Variants in SLC35F1 observed in about 807,000 individuals in gnomAD.
The protein encoded by SLC35F1 is solute carrier family 35 member F1, also known as chromosome 6 open reading frame 169.
SLC35F1 carries 14 observed loss-of-function variants against 48.7 expected under a neutral mutation model. That is an observed-to-expected ratio of 0.29 (90% CI 0.19 to 0.45). SLC35F1 has a LOEUF of 0.45. SLC35F1 is among the 20% of genes least tolerant of loss of function. The pLI, the probability that SLC35F1 is intolerant of heterozygous loss-of-function variation, is 1.00. For missense variants in SLC35F1, 404 were observed against 500.0 expected, an observed-to-expected ratio of 0.81 and a Z score of 1.83; for synonymous variants, 190 against 202.2, an observed-to-expected ratio of 0.94 and a Z score of 0.51.
chr6:117,940,554 A>T lies in SLC35F1; in HGVS notation c.173+32655A>T, dbSNP rs1776217307. 5.3e-5 allele frequency among the ~76,000 whole-genome samples: 8 copies of T among 152,368 alleles called. No homozygotes were observed. The South Asian group carries it at 1.7e-3, about 32-fold the overall frequency. On this transcript the variant is annotated intron_variant, in intron 1 of 7. Coordinates refer to ENST00000360388, the MANE Select transcript of SLC35F1 (RefSeq NM_001029858.4). ...AGATATCTGTACCCCCATGTTCATT[A>T]CAAGATTATTCACAATAACCAAGAC... is the stretch of plus-strand genomic sequence containing the variant.
At chr6:117,931,063 C>T (rs1776094964) in intron 1 of SLC35F1, among the ~76,000 whole-genome samples, 1 of 152,048 alleles carries the variant, frequency 6.6e-6, no homozygotes, top group Non-Finnish European at 1.5e-5. Context: ...ATATTGTAAG[C>T]ACCTGGCCCG....
chr6:118,120,969 A>G (rs181957304), intron 1 of SLC35F1, among the ~76,000 whole-genome samples: 1 of 152,192 alleles, frequency 6.6e-6, no homozygotes, highest in African/African-American at 2.4e-5. Context: ...TTTTTAGTTG[A>G]AGTTTTTAGC....
chr6:118,186,222 C>T (rs1472275318), intron 2 of SLC35F1, among the ~76,000 whole-genome samples: 2 of 152,076 alleles, frequency 1.3e-5, no homozygotes, highest in Non-Finnish European at 2.9e-5. Flanking sequence ...ATCAGTCAGT[C>T]TCCCCATCTA....
chr6:117,956,951 AG>A (rs1776435678), intron 1 of SLC35F1, among the ~76,000 whole-genome samples: 1 of 152,216 alleles, frequency 6.6e-6, no homozygotes, highest in Admixed American at 6.5e-5. Context: ...AAGATGAATA[AG>A]GACATCTATT....
At chr6:118,217,730 C>A (rs893819028) in intron 2 of SLC35F1, among the ~76,000 whole-genome samples, 1 of 152,064 alleles carries the variant, frequency 6.6e-6, no homozygotes, top group Admixed American at 6.6e-5. Context: ...GGAATTATGC[C>A]CCCCTGCTTT....
chr6:117,972,446 C>T (rs562282029), intron 1 of SLC35F1, among the ~76,000 whole-genome samples: 1 of 152,326 alleles, frequency 6.6e-6, no homozygotes, highest in Non-Finnish European at 1.5e-5. Context: ...TGCCCCCACT[C>T]TGCAGTACCA....
intron 7 of SLC35F1, among the ~76,000 whole-genome samples, chr6:118,307,345 A>G (rs1776323456): frequency 6.6e-6 from 1 of 152,208 alleles, no homozygotes; most frequent in African/African-American, 2.4e-5. Flanking sequence ...GGTATTTGTC[A>G]GTAGATTCTG....
intron 2 of SLC35F1, among the ~76,000 whole-genome samples, chr6:118,223,840 G>C (rs999793275): frequency 3.3e-5 from 5 of 152,210 alleles, no homozygotes; most frequent in Admixed American, 2.0e-4. Flanking sequence ...GGCACCTTCT[G>C]TCATGTTGTC....
chr6:118,139,402 G>A (rs574151960), intron 1 of SLC35F1, among the ~76,000 whole-genome samples: 78 of 152,272 alleles, frequency 5.1e-4, no homozygotes, highest in African/African-American at 1.8e-3. Context: ...GTGAGCCACC[G>A]CGCCCAGCCT....
rs1562121646 is a variant in SLC35F1 at position 118,314,018 on chromosome 6, G to T, written c.1003-10G>T. The stretch of plus-strand genomic sequence containing the variant: ...GGCTGTCAAATGACTTTACTGTTGT[G>T]TTTTTTTAGTTTTCAGGACTTTATC... On this transcript the variant is annotated splice_polypyrimidine_tract_variant and intron_variant, in intron 7 of 7. Transcript: ENST00000360388. The T allele has an allele frequency of 1.2e-6, 2 of 1,613,806 alleles. No homozygotes were observed. The highest frequency in any genetic ancestry group is 3.3e-5 in the Admixed American group (2 of 60,028).
intron 1 of SLC35F1, among the ~76,000 whole-genome samples, chr6:118,014,959 G>A (rs968322237): frequency 6.6e-6 from 1 of 152,142 alleles, no homozygotes; most frequent in Admixed American, 6.5e-5. Context: ...TAATTTCCAC[G>A]TGTTGTGGGA....
At chr6:118,250,456 G>A (rs1379091211) in intron 3 of SLC35F1, among the ~76,000 whole-genome samples, 1 of 152,138 alleles carries the variant, frequency 6.6e-6, no homozygotes, top group Non-Finnish European at 1.5e-5. Context: ...AGATAAAACT[G>A]AGCAGAAAAG....
chr6:118,183,311 G>A (rs913505392), intron 2 of SLC35F1, among the ~76,000 whole-genome samples: 6 of 152,048 alleles, frequency 3.9e-5, no homozygotes, highest in African/African-American at 1.4e-4. Flanking sequence ...ATGATTAAGA[G>A]CCATTATTGA....
chr6:118,216,465 CAA>C (rs55750771), intron 2 of SLC35F1, among the ~76,000 whole-genome samples: 1 of 139,090 alleles, frequency 7.2e-6, no homozygotes, highest in Admixed American at 7.2e-5. Context: ...ACCCCCACTT[CAA>C]AAAAAAAAAA....
chr6:117,969,670 A>G (rs961295692), intron 1 of SLC35F1, among the ~76,000 whole-genome samples: 4 of 152,144 alleles, frequency 2.6e-5, no homozygotes, highest in African/African-American at 9.7e-5. Flanking sequence ...AGCTATGATC[A>G]TGCCTCTGCA....
intron 1 of SLC35F1, among the ~76,000 whole-genome samples, chr6:118,016,183 A>G (rs1173635946): frequency 6.6e-6 from 1 of 152,088 alleles, no homozygotes; most frequent in African/African-American, 2.4e-5. Flanking sequence ...TCATCTTGGA[A>G]TCGGTTTGCT....
chr6:118,273,977 C>A (rs143920445), intron 4 of SLC35F1, among the ~76,000 whole-genome samples: 3 of 152,260 alleles, frequency 2.0e-5, no homozygotes, highest in Non-Finnish European at 4.4e-5. Context: ...ACCACAGATT[C>A]TTTGATGTGA....
chr6:117,999,483 G>A (rs1031055728), intron 1 of SLC35F1: 6 of 1,497,296 alleles, frequency 4.0e-6, no homozygotes, highest in South Asian at 1.2e-5. Context: ...AAGGACTGGT[G>A]CGACCCCCCA....
At chr6:118,262,226 T>G (rs1775722071) in intron 3 of SLC35F1, among the ~76,000 whole-genome samples, 1 of 151,070 alleles carries the variant, frequency 6.6e-6, no homozygotes, top group South Asian at 2.1e-4. Flanking sequence ...GTCTGCGGAG[T>G]GCTGGCAAAG....
Sources: gnomAD v4.1 joint callset for allele counts (sites outside exome capture counted in the v4.1 genomes callset) on GRCh38, gnomAD v4.1.1 for gene constraint, MANE v1.5 for transcripts, NCBI Gene and HGNC (gene_info 2026-07-23, HGNC 2026-07-21) for gene names.